The following SLCO5A1 variants were observed in gnomAD, a reference collection of about 807,000 sequenced individuals.
The protein encoded by SLCO5A1 is solute carrier organic anion transporter family member 5A1.
SLCO5A1 carries 39 observed loss-of-function variants against 65.1 expected under a neutral mutation model. That is an observed-to-expected ratio of 0.60 (90% confidence interval 0.46 to 0.78). The LOEUF is 0.78. Among genes scored for constraint, SLCO5A1 ranks in the 30% least tolerant of loss-of-function variants. The pLI is 0.00. For missense variants in SLCO5A1, 1,029 were observed against 1,069.4 expected (o/e 0.96, Z 0.53); for synonymous variants, 438 against 415.7 (o/e 1.05, Z -0.65).
intron 2 of SLCO5A1, among the ~76,000 whole-genome samples, chr8:69,828,277 A>T (rs5019300): frequency 4.4e-3 from 412 of 94,334 alleles, no homozygotes; most frequent in African/African-American, 0.017. Flanking sequence ...TTTTTTTTTT[A>T]AAAAAAAAGC....
intron 2 of SLCO5A1, among the ~76,000 whole-genome samples, chr8:69,773,943 A>G (rs1438229251): frequency 8.5e-5 from 13 of 152,226 alleles, no homozygotes; most frequent in Non-Finnish European, 1.8e-4. Context: ...ACCTGCTTCC[A>G]TTCTGCTGTC....
At chr8:69,751,177 CA>C (rs1375983455) in intron 4 of SLCO5A1, among the ~76,000 whole-genome samples, 1 of 152,112 alleles carries the variant, frequency 6.6e-6, no homozygotes, top group Non-Finnish European at 1.5e-5. Flanking sequence ...TAACTGCCAC[CA>C]AAAGTTTTTT....
In SLCO5A1 at chr8:69,791,380, A is replaced by C. The variant is rs150710096; in HGVS notation, c.908-29505T>G. The stretch of plus-strand genomic sequence containing the variant: ...GCAGCAATCATGATAAAATGAGTAG[A>C]CACTGTAAATCCAAGACATGGATGT... On this transcript the variant is annotated intron_variant, in intron 2 of 9. Transcript: ENST00000260126. 7.2e-5 allele frequency among the ~76,000 whole-genome samples: 11 copies of C among 152,386 alleles called. No homozygotes were observed. In the East Asian group the frequency reaches 2.1e-3, roughly 29 times the overall value.
In SLCO5A1 at chr8:69,832,709, C is replaced by T. The variant is rs368877491; in HGVS notation, c.-36G>A. Reference sequence around the variant, plus strand: ...ATTCAGATTTGATAGCTGATGGCACCCAAGCACTCCGGCACGTTTCATCCA... The same window carrying T: ...ATTCAGATTTGATAGCTGATGGCACTCAAGCACTCCGGCACGTTTCATCCA... On this transcript the variant is annotated 5_prime_UTR_variant, in exon 2 of 10. It introduces an in-frame stop codon into an upstream open reading frame of the 5' UTR. Coordinates refer to ENST00000260126, the MANE Select transcript of SLCO5A1 (RefSeq NM_030958.3). This position sits in a 1 kb window ranked among gnomAD's most constrained non-coding sequence, Gnocchi z 4.5. 4.3e-5 allele frequency: 67 copies of T among 1,559,156 alleles called. No individual in the cohort carries two copies. The African/African-American group carries it at 7.7e-4, about 18-fold the overall frequency.
intron 2 of SLCO5A1, among the ~76,000 whole-genome samples, chr8:69,822,303 T>C (rs373515394): frequency 1.3e-5 from 2 of 152,160 alleles, no homozygotes; most frequent in East Asian, 3.8e-4. Context: ...AAAGGAGCTT[T>C]TACTGTCTTA....
chr8:69,697,437 C>T (rs1039636641), intron 6 of SLCO5A1, among the ~76,000 whole-genome samples: 10 of 151,988 alleles, frequency 6.6e-5, no homozygotes, highest in Admixed American at 5.9e-4. Flanking sequence ...CGAACAGTGC[C>T]CAAAGAGCTC....
At chr8:69,824,097 T>C (rs1274421356) in intron 2 of SLCO5A1, among the ~76,000 whole-genome samples, 1 of 151,916 alleles carries the variant, frequency 6.6e-6, no homozygotes, top group African/African-American at 2.4e-5. Flanking sequence ...AGACACAACA[T>C]ACCAGAATCT....
intron 2 of SLCO5A1, among the ~76,000 whole-genome samples, chr8:69,798,578 A>G (rs892338299): frequency 2.0e-5 from 3 of 152,200 alleles, no homozygotes; most frequent in African/African-American, 7.2e-5. Context: ...CAAGAACACC[A>G]CAGAGTGGAT....
intron 4 of SLCO5A1, among the ~76,000 whole-genome samples, chr8:69,744,687 G>T (rs1195079820): frequency 6.6e-6 from 1 of 152,134 alleles, no homozygotes; most frequent in Non-Finnish European, 1.5e-5. Context: ...AATATACTTG[G>T]AATGCATTTA....
At chr8:69,824,125 C>T (rs1820766462) in intron 2 of SLCO5A1, among the ~76,000 whole-genome samples, 1 of 151,890 alleles carries the variant, frequency 6.6e-6, no homozygotes, top group Admixed American at 6.6e-5. Context: ...ACATTTAAAG[C>T]AGTGTGTAGA....
chr8:69,773,820 C>T (rs1053220690), intron 2 of SLCO5A1, among the ~76,000 whole-genome samples: 3 of 152,150 alleles, frequency 2.0e-5, no homozygotes, highest in South Asian at 2.1e-4. Context: ...CCTGGAAGAT[C>T]TTTCTTCAGA....
At chr8:69,699,873 C>T (rs548481614) in intron 6 of SLCO5A1, among the ~76,000 whole-genome samples, 1 of 152,310 alleles carries the variant, frequency 6.6e-6, no homozygotes, top group South Asian at 2.1e-4. Flanking sequence ...AATCCCAGCA[C>T]TTTAGGAGGC....
At chr8:69,691,948 C>T (rs1814279285) in intron 6 of SLCO5A1, among the ~76,000 whole-genome samples, 2 of 152,108 alleles carry the variant, frequency 1.3e-5, no homozygotes, top group African/African-American at 4.8e-5. Flanking sequence ...AGGAAAAGTA[C>T]AATAAAAATA....
At chr8:69,722,251 T>C (rs1051122075) in intron 5 of SLCO5A1, among the ~76,000 whole-genome samples, 1 of 152,118 alleles carries the variant, frequency 6.6e-6, no homozygotes, top group Non-Finnish European at 1.5e-5. Context: ...TAACCAAGAT[T>C]ACCAACAACA....
intron 5 of SLCO5A1, among the ~76,000 whole-genome samples, chr8:69,722,171 C>CA (rs955832118): frequency 2.0e-5 from 3 of 151,704 alleles, no homozygotes; most frequent in African/African-American, 7.3e-5. Flanking sequence ...GACTCCGTCT[C>CA]AAAAAAACAA....
intron 4 of SLCO5A1, among the ~76,000 whole-genome samples, chr8:69,743,916 A>T (rs1816912655): frequency 6.6e-6 from 1 of 152,172 alleles, no homozygotes; most frequent in Non-Finnish European, 1.5e-5. Flanking sequence ...AGGGAGTATG[A>T]AGATTTGAGT....
intron 5 of SLCO5A1, among the ~76,000 whole-genome samples, chr8:69,732,298 A>C (rs1305128512): frequency 6.6e-6 from 1 of 152,238 alleles, no homozygotes; most frequent in African/African-American, 2.4e-5. Flanking sequence ...TTCTACAGTG[A>C]AAAACAAAAT....
chr8:69,783,695 T>G lies in SLCO5A1; in HGVS notation c.908-21820A>C, dbSNP rs551329752. Among the ~76,000 whole-genome samples, 3 of 152,236 alleles carry G rather than the reference T, an allele frequency of 2.0e-5. No individual in the cohort carries two copies. The South Asian group carries it at 6.2e-4, about 32-fold the overall frequency. ...ACCCCATTCCCTAATCATTAATCAA[T>G]CAGTAGTTATTTGGTGAAGTTATAC... On this transcript the variant is annotated intron_variant, in intron 2 of 9. Transcript: ENST00000260126.
At chr8:69,822,268 G>A (rs1427769051) in intron 2 of SLCO5A1, among the ~76,000 whole-genome samples, 1 of 152,104 alleles carries the variant, frequency 6.6e-6, no homozygotes, top group East Asian at 1.9e-4. Context: ...TGGTGAAATG[G>A]CACACCACAA....
Sources: allele counts gnomAD v4.1 joint callset (sites outside exome capture counted in the v4.1 genomes callset), GRCh38; gene constraint gnomAD v4.1.1; non-coding constraint Gnocchi (gnomAD v3.1); transcripts MANE v1.5; gene names NCBI Gene and HGNC (gene_info 2026-07-23, HGNC 2026-07-21).